The following ENPP6 variants were observed in gnomAD, a reference collection of about 807,000 sequenced individuals.
ENPP6 encodes ectonucleotide pyrophosphatase/phosphodiesterase 6.
ENPP6 carries 32 observed loss-of-function variants against 42.0 expected under a neutral mutation model. The ratio of observed to expected loss-of-function variants is 0.76; its 90% CI spans 0.58 to 1.02. The LOEUF (loss-of-function observed/expected upper bound fraction) is 1.02. ENPP6 is among the 50% of genes least tolerant of loss of function. The pLI is 0.00. For missense variants in ENPP6, 552 were observed against 566.8 expected (o/e 0.97, Z 0.27); for synonymous variants, 213 against 216.0 (o/e 0.99, Z 0.12).
intron 2 of ENPP6, among the ~76,000 whole-genome samples, chr4:184,132,144 C>A (rs1378908315): frequency 3.3e-5 from 5 of 152,168 alleles, no homozygotes; most frequent in African/African-American, 1.2e-4. Context: ...ACTGAGTCCA[C>A]TGATGCAAAC....
chr4:184,184,861 C>T lies in ENPP6; in HGVS notation c.242-31128G>A, dbSNP rs141640831. On this transcript the variant is annotated intron_variant, in intron 1 of 7. Transcript: ENST00000296741. The surrounding 1 kb of genome is among the most constrained non-coding windows in gnomAD (Gnocchi z 4.7). ...GGACTTCTTGCCTCGAGAACCATGG[C>T]AGTCGATTCCTGTTGTCTGAGCCAC... Among the ~76,000 whole-genome samples, 1 of 152,056 alleles carries T rather than the reference C, an allele frequency of 6.6e-6. No homozygotes were observed. The highest frequency in any genetic ancestry group is 2.4e-5 in the African/African-American group (1 of 41,488).
chr4:184,192,547 T>G lies in ENPP6; in HGVS notation c.241+25032A>C, dbSNP rs539476384. 3.8e-4 allele frequency among the ~76,000 whole-genome samples: 58 copies of G among 152,326 alleles called. 1 individual carries two copies. The highest frequency in any genetic ancestry group is 1.3e-3 in the African/African-American group (55 of 41,580). ...ACGATGTTGGGTTAGGCAATTATTT[T>G]GTAGTTATGACACAAAAAGTACAAG... On this transcript the variant is annotated intron_variant, in intron 1 of 7. Coordinates refer to ENST00000296741, the MANE Select transcript of ENPP6 (RefSeq NM_153343.4).
At chr4:184,127,236 T>A (rs1202369208) in intron 2 of ENPP6, among the ~76,000 whole-genome samples, 1 of 152,170 alleles carries the variant, frequency 6.6e-6, no homozygotes, top group African/African-American at 2.4e-5. Flanking sequence ...TTGTGAATAT[T>A]ATTTTAAAGT....
intron 1 of ENPP6, among the ~76,000 whole-genome samples, chr4:184,194,276 A>G (rs554078366): frequency 8.5e-5 from 13 of 152,202 alleles, no homozygotes; most frequent in Non-Finnish European, 1.6e-4. Flanking sequence ...TTCACTGCAC[A>G]TTAATTAGCA....
At position 184,091,461 on chromosome 4, in the gene ENPP6, A is replaced by T. The variant is rs967457449; in HGVS notation, c.1118-79T>A. 6.8e-6 allele frequency: 9 copies of T among 1,325,454 alleles called. No individual in the cohort carries two copies. The Admixed American group carries it at 1.7e-4, about 25-fold the overall frequency. The allele number at this position is 1,325,454 out of a possible 1,614,324, so 82.1% of individuals were successfully genotyped here. On this transcript the variant is annotated intron_variant, in intron 7 of 7. Coordinates refer to ENST00000296741, the MANE Select transcript of ENPP6 (RefSeq NM_153343.4). Reference sequence around the variant, plus strand: ...GGGCTGAACGCAATAAAGAAGAATTACATTCAGGCTGCAGGTGACATTGAG... The same window carrying T: ...GGGCTGAACGCAATAAAGAAGAATTTCATTCAGGCTGCAGGTGACATTGAG...
chr4:184,204,842 T>C (rs1329625685), intron 1 of ENPP6, among the ~76,000 whole-genome samples: 1 of 152,222 alleles, frequency 6.6e-6, no homozygotes, highest in Non-Finnish European at 1.5e-5. Context: ...TTCTCCTCCT[T>C]ATTAGTTTAG....
rs573919707 is a variant in ENPP6, at chr4:184,102,841, C to T, written c.994-5473G>A. On this transcript the variant is annotated intron_variant, in intron 6 of 7. Transcript: ENST00000296741. Reference sequence around the variant, plus strand: ...CCTGAGCTCAGCCTGGACCTGGCTCCGGGATATTTGCATTCAGCAGGTCAG... The same window carrying T: ...CCTGAGCTCAGCCTGGACCTGGCTCTGGGATATTTGCATTCAGCAGGTCAG... 4.6e-5 allele frequency among the ~76,000 whole-genome samples: 7 copies of T among 152,346 alleles called. No individual in the cohort carries two copies. The South Asian group carries it at 6.2e-4, about 14-fold the overall frequency.
At chr4:184,215,504 C>T (rs1005660392) in intron 1 of ENPP6, among the ~76,000 whole-genome samples, 1 of 152,110 alleles carries the variant, frequency 6.6e-6, no homozygotes, top group South Asian at 2.1e-4. Context: ...GGAGGTGATA[C>T]CAGGTTCATG....
chr4:184,100,786 T>C (rs1735987458), intron 6 of ENPP6, among the ~76,000 whole-genome samples: 1 of 152,078 alleles, frequency 6.6e-6, no homozygotes, highest in South Asian at 2.1e-4. Flanking sequence ...CCTGCCAGCA[T>C]GTGGGAGAAG....
At chr4:184,170,015 AC>A in intron 1 of ENPP6, among the ~76,000 whole-genome samples, 1 of 152,358 alleles carries the variant, frequency 6.6e-6, no homozygotes, top group South Asian at 2.1e-4. Flanking sequence ...TTTTAAAAAA[AC>A]ATACTCTTGT....
At chr4:184,175,627 A>C (rs1280891728) in intron 1 of ENPP6, among the ~76,000 whole-genome samples, 1 of 152,220 alleles carries the variant, frequency 6.6e-6, no homozygotes, top group Non-Finnish European at 1.5e-5. Flanking sequence ...GAAACTAGGC[A>C]GTCTCCCCAA....
At position 184,217,872 on chromosome 4, in the gene ENPP6, C is replaced by A; in HGVS notation, c.-53G>T. 6.3e-7 allele frequency: 1 copy of A among 1,584,952 alleles called. No individual in the cohort carries two copies. Among genetic ancestry groups the A allele is most frequent in the Non-Finnish European group, 8.6e-7 (1 of 1,166,460 alleles). ...TGGCACAGCTGTCGCCTTGCAAAGA[C>A]TGAGGATGGAGAATCTGTAGCTATT... is the stretch of plus-strand genomic sequence containing the variant. On this transcript the variant is annotated 5_prime_UTR_variant, in exon 1 of 8. Transcript: ENST00000296741.
chr4:184,161,629 CA>C (rs1347335465), intron 1 of ENPP6, among the ~76,000 whole-genome samples: 8 of 151,806 alleles, frequency 5.3e-5, no homozygotes, highest in African/African-American at 1.9e-4. Context: ...GGAATCAGCC[CA>C]AATGCTCATT....
At chr4:184,190,915 C>T (rs1732704543) in intron 1 of ENPP6, among the ~76,000 whole-genome samples, 1 of 152,202 alleles carries the variant, frequency 6.6e-6, no homozygotes, top group African/African-American at 2.4e-5. Context: ...TTATGCTCAA[C>T]CCCAGAAGCG....
intron 2 of ENPP6, among the ~76,000 whole-genome samples, chr4:184,148,176 C>T (rs1736959386): frequency 6.6e-6 from 1 of 152,110 alleles, no homozygotes; most frequent in Non-Finnish European, 1.5e-5. Flanking sequence ...GGAGGGGGTG[C>T]AGGTGAGGAG....
chr4:184,116,886 G>C lies in ENPP6; in HGVS notation c.825C>G (p.Ser275Arg). Residue 275 changes from serine to arginine, a missense_variant, in exon 5 of 8, where the codon AGC becomes AGG. By Grantham distance (110) the Ser-to-Arg change is moderately radical. This residue lies in a region of ENPP6 where 545 missense variants were observed against 546.3 expected (regional missense o/e 1.00). Coordinates refer to ENST00000296741, the MANE Select transcript of ENPP6 (RefSeq NM_153343.4). ...AGTGTTTCCCAGGGGCCGGCCAAAG[G>C]CTCACAACAGGCCCGCGGTCCTTCA... ...QQVKDRGPVV[S>R]LWPAPGKHSE... 1 of 1,613,968 alleles carries C rather than the reference G, an allele frequency of 6.2e-7. No individual in the cohort carries two copies. Among genetic ancestry groups the C allele is most frequent in the Non-Finnish European group, 8.5e-7 (1 of 1,180,028 alleles).
intron 2 of ENPP6, among the ~76,000 whole-genome samples, chr4:184,125,172 C>T (rs1031335913): frequency 2.6e-5 from 4 of 152,106 alleles, no homozygotes; most frequent in African/African-American, 7.2e-5. Context: ...GTGCATGCTT[C>T]CTGGGTGTTG....
At chr4:184,135,045 A>G (rs1736710177) in intron 2 of ENPP6, among the ~76,000 whole-genome samples, 1 of 152,028 alleles carries the variant, frequency 6.6e-6, no homozygotes, top group Admixed American at 6.6e-5. Flanking sequence ...GTTTAATTAC[A>G]TGACAGTCAG....
intron 2 of ENPP6, among the ~76,000 whole-genome samples, chr4:184,130,901 AC>A (rs1736595483): frequency 6.6e-6 from 1 of 152,216 alleles, no homozygotes. Context: ...TGACTGTATC[AC>A]TATTTATCTA....
Sources: allele counts gnomAD v4.1 joint callset (sites outside exome capture counted in the v4.1 genomes callset), GRCh38; gene constraint gnomAD v4.1.1; regional missense constraint gnomAD v4.1.1; non-coding constraint Gnocchi (gnomAD v3.1); transcripts MANE v1.5; gene names NCBI Gene and HGNC (gene_info 2026-07-23, HGNC 2026-07-21).